The following KAZN variants were observed in gnomAD, a reference collection of about 807,000 sequenced individuals.
KAZN encodes kazrin.
KAZN carries 40 observed loss-of-function variants against 87.4 expected under a neutral mutation model. The ratio of observed to expected loss-of-function variants is 0.46; its 90% CI spans 0.36 to 0.60. The LOEUF (loss-of-function observed/expected upper bound fraction) is 0.60, where lower values mean the gene tolerates loss of function less well. KAZN is among the 20% of genes least tolerant of loss of function. The pLI is 0.00. For synonymous variants in KAZN, 466 were observed against 458.3 expected, an observed-to-expected ratio of 1.02 and a Z score of -0.22; for missense variants, 898 against 1,073.9, an observed-to-expected ratio of 0.84 and a Z score of 2.29.
At chr1:14,591,811 G>A (rs535243239) in intron 2 of KAZN, among the ~76,000 whole-genome samples, 13 of 152,180 alleles carry the variant, frequency 8.5e-5, no homozygotes, top group African/African-American at 3.1e-4. Flanking sequence ...GCATGCACGC[G>A]CCCATGTGTG....
intron 1 of KAZN, among the ~76,000 whole-genome samples, chr1:14,106,146 A>T (rs1644369581): frequency 6.6e-6 from 1 of 152,236 alleles, no homozygotes; most frequent in South Asian, 2.1e-4. Flanking sequence ...CAGAAGGGGT[A>T]GCCTCAGGCA....
chr1:14,405,618 G>A (rs1009383878), intron 2 of KAZN, among the ~76,000 whole-genome samples: 22 of 150,622 alleles, frequency 1.5e-4, no homozygotes, highest in African/African-American at 4.9e-4. Context: ...GTGTGTGTGT[G>A]TGTGTGTGTG....
intron 2 of KAZN, among the ~76,000 whole-genome samples, chr1:14,563,665 T>TCAGCTC (rs1674379266): frequency 6.6e-6 from 1 of 151,982 alleles, no homozygotes; most frequent in Admixed American, 6.6e-5. Flanking sequence ...TCAACTCTCA[T>TCAGCTC]CAGCTCCATC....
intron 1 of KAZN, among the ~76,000 whole-genome samples, chr1:13,970,524 T>TA (rs2101048064): frequency 6.6e-6 from 1 of 152,308 alleles, no homozygotes; most frequent in African/African-American, 2.4e-5. Context: ...GTTCACTCAT[T>TA]AATAATGAAA....
chr1:14,501,806 C>A (rs1261236492), intron 2 of KAZN, among the ~76,000 whole-genome samples: 1 of 152,172 alleles, frequency 6.6e-6, no homozygotes, highest in African/African-American at 2.4e-5. Flanking sequence ...GCCATAAAAA[C>A]GAAGGACTGA....
intron 2 of KAZN, among the ~76,000 whole-genome samples, chr1:14,973,046 T>C (rs1665243156): frequency 1.3e-5 from 2 of 151,814 alleles, no homozygotes; most frequent in Non-Finnish European, 2.9e-5. Context: ...ATAGATGGGG[T>C]CACCCTGCCT....
At chr1:14,081,009 A>G (rs1229433414) in intron 1 of KAZN, among the ~76,000 whole-genome samples, 3 of 152,194 alleles carry the variant, frequency 2.0e-5, no homozygotes, top group Non-Finnish European at 4.4e-5. Flanking sequence ...CCTTCCCCTA[A>G]GAAAACCTTT....
At chr1:14,307,865 G>A (rs995290985) in intron 2 of KAZN, among the ~76,000 whole-genome samples, 4 of 152,282 alleles carry the variant, frequency 2.6e-5, no homozygotes, top group African/African-American at 4.8e-5. Context: ...ACTTTGCATC[G>A]AAGCAAACTG....
intron 1 of KAZN, among the ~76,000 whole-genome samples, chr1:14,604,691 G>A (rs1677226747): frequency 1.3e-5 from 2 of 152,204 alleles, no homozygotes; most frequent in East Asian, 3.8e-4. Context: ...AGATCATTGG[G>A]GCTAAATTTA....
At chr1:14,481,965 C>T (rs1282859747) in intron 2 of KAZN, among the ~76,000 whole-genome samples, 1 of 152,178 alleles carries the variant, frequency 6.6e-6, no homozygotes, top group East Asian at 1.9e-4. Context: ...CAGATGGGCC[C>T]AAGACAGACC....
At chr1:14,565,471 T>C (rs1480000398) in intron 2 of KAZN, among the ~76,000 whole-genome samples, 1 of 152,228 alleles carries the variant, frequency 6.6e-6, no homozygotes. Flanking sequence ...AGGGCTTGCC[T>C]CAATGCTGAT....
At chr1:14,641,454 T>C (rs1017797706) in intron 1 of KAZN, among the ~76,000 whole-genome samples, 28 of 152,150 alleles carry the variant, frequency 1.8e-4, no homozygotes, top group African/African-American at 6.5e-4. Flanking sequence ...CCATGCAGGA[T>C]TGGCATGAGG....
intron 1 of KAZN, among the ~76,000 whole-genome samples, chr1:14,083,951 T>C (rs1240747342): frequency 6.6e-6 from 1 of 152,202 alleles, no homozygotes; most frequent in Non-Finnish European, 1.5e-5. Flanking sequence ...AAAACAAACA[T>C]GGTGTGTTCT....
chr1:14,436,515 C>T (rs527407682), intron 2 of KAZN, among the ~76,000 whole-genome samples: 193 of 151,810 alleles, frequency 1.3e-3, no homozygotes, highest in Non-Finnish European at 2.0e-3. Flanking sequence ...GTCAGGAGTT[C>T]GAGACCAGCC....
intron 1 of KAZN, among the ~76,000 whole-genome samples, chr1:14,147,810 C>CA (rs925195213): frequency 6.7e-6 from 1 of 148,234 alleles, no homozygotes; most frequent in Non-Finnish European, 1.5e-5. Flanking sequence ...AAAAAAACAA[C>CA]AAAAAAACTA....
intron 1 of KAZN, among the ~76,000 whole-genome samples, chr1:14,853,315 T>C (rs952941909): frequency 2.0e-5 from 3 of 151,984 alleles, no homozygotes; most frequent in Non-Finnish European, 2.9e-5. Context: ...GGGCATCCAA[T>C]GGGAGAGGAC....
chr1:13,927,527 A>T (rs1008506480), intron 1 of KAZN, among the ~76,000 whole-genome samples: 1 of 152,190 alleles, frequency 6.6e-6, no homozygotes, highest in East Asian at 1.9e-4. Context: ...AGGCAGACCT[A>T]TGTCCAAATC....
intron 2 of KAZN, among the ~76,000 whole-genome samples, chr1:14,581,723 T>C (rs754513708): frequency 2.6e-5 from 4 of 152,158 alleles, no homozygotes; most frequent in Non-Finnish European, 5.9e-5. Context: ...CCTGCCCCAC[T>C]GTTTCTCAGA....
chr1:14,371,658 CA>C (rs1557670162), intron 2 of KAZN, among the ~76,000 whole-genome samples: 1 of 152,144 alleles, frequency 6.6e-6, no homozygotes, highest in Non-Finnish European at 1.5e-5. Flanking sequence ...AGTAAGAATG[CA>C]CCTGTCTGGT....
Sources: allele counts gnomAD v4.1 joint callset (sites outside exome capture counted in the v4.1 genomes callset), GRCh38; gene constraint gnomAD v4.1.1; transcripts MANE v1.5; gene names NCBI Gene and HGNC (gene_info 2026-07-23, HGNC 2026-07-21).